The following FH variants were observed in gnomAD, a reference collection of about 807,000 sequenced individuals.
FH encodes fumarate hydratase, mitochondrial.
In FH, 22 loss-of-function variants were observed where a neutral mutation model predicts 49.4. That is an observed-to-expected ratio of 0.45 (90% CI 0.32 to 0.64). FH has a LOEUF of 0.64. FH is among the 30% of genes least tolerant of loss of function. The probability of loss-of-function intolerance (pLI) is 0.05; values close to 1 mark genes in which losing one functional copy is unlikely to be tolerated. For missense variants in FH, 526 were observed against 641.5 expected (o/e 0.82, Z 1.95); for synonymous variants, 208 against 223.0 (o/e 0.93, Z 0.60).
intron 1 of FH, 61 bp downstream of exon 1, chr1:241,519,530 C>G (rs929231313): frequency 1.3e-6 from 2 of 1,514,812 alleles, no homozygotes; most frequent in African/African-American, 1.4e-5. Flanking sequence ...GCGCCCAGGC[C>G]GGCAGGCAGG....
chr1:241,514,987 A>G (rs1035345655), intron 2 of FH, among the ~76,000 whole-genome samples: 1 of 152,188 alleles, frequency 6.6e-6, no homozygotes, highest in African/African-American at 2.4e-5. Context: ...TGGACCATAA[A>G]AATAAAAAAG....
chr1:241,506,711 C>T (rs896058220), intron 5 of FH, among the ~76,000 whole-genome samples: 6 of 152,136 alleles, frequency 3.9e-5, no homozygotes, highest in Non-Finnish European at 8.8e-5. Context: ...AGGAAGGTAA[C>T]AGTTTGCATT....
intron 9 of FH, among the ~76,000 whole-genome samples, chr1:241,498,252 A>G (rs1431463865): frequency 1.3e-5 from 2 of 152,164 alleles, no homozygotes; most frequent in Non-Finnish European, 2.9e-5. Flanking sequence ...AAGGGGAAAA[A>G]AGTAGAAATT....
At chr1:241,513,235 T>G (rs1660135287) in intron 3 of FH, among the ~76,000 whole-genome samples, 1 of 152,112 alleles carries the variant, frequency 6.6e-6, no homozygotes, top group Non-Finnish European at 1.5e-5. Flanking sequence ...TATTAGCATA[T>G]TAGTAAAATT....
intron 7 of FH, 144 bp from the exon 8 acceptor site, chr1:241,502,714 A>G (rs1228052593): frequency 5.1e-6 from 5 of 989,720 alleles, no homozygotes; most frequent in East Asian, 5.2e-5. Context: ...AAACAAACCA[A>G]CCAAGGAAGG....
intron 1 of FH, among the ~76,000 whole-genome samples, chr1:241,517,654 T>C (rs1660256201): frequency 6.6e-6 from 1 of 152,202 alleles, no homozygotes. Flanking sequence ...GTACTTAGTT[T>C]AATGCTTATT....
chr1:241,502,313 G>T, intron 8 of FH, 130 bp downstream of exon 8: 4 of 957,586 alleles, frequency 4.2e-6, no homozygotes, highest in Non-Finnish European at 6.5e-6. Context: ...CTTAATAAAT[G>T]CTTGACTTCC....
chr1:241,500,659 T>G (rs1225834883), intron 8 of FH, 69 bp from the exon 9 acceptor site: 1 of 1,535,938 alleles, frequency 6.5e-7, no homozygotes, highest in East Asian at 2.3e-5. Flanking sequence ...AGGCAACATG[T>G]TTTTTGTCCA....
chr1:241,519,191 C>G, intron 1 of FH: 1 of 208,704 alleles, frequency 4.8e-6, no homozygotes, highest in Non-Finnish European at 9.8e-6. Context: ...GGAGCTGCCC[C>G]TCTCCCAGCA....
intron 9 of FH, among the ~76,000 whole-genome samples, chr1:241,499,148 C>T (rs902268178): frequency 2.1e-4 from 32 of 152,238 alleles, no homozygotes; most frequent in African/African-American, 7.7e-4. Context: ...CAACAAGACA[C>T]TATTGGCAAC....
At chr1:241,512,842 AGTT>A in intron 3 of FH, among the ~76,000 whole-genome samples, 1 of 152,046 alleles carries the variant, frequency 6.6e-6, no homozygotes, top group Admixed American at 6.6e-5. Context: ...CAGTCACTAT[AGTT>A]CTATTGCTCA....
At chr1:241,516,639 G>A (rs1415995156) in intron 2 of FH, among the ~76,000 whole-genome samples, 2 of 147,674 alleles carry the variant, frequency 1.4e-5, no homozygotes, top group Non-Finnish European at 3.0e-5. Flanking sequence ...TGTGTATCCC[G>A]GAACTTAAAA....
Position 241,508,625 on chromosome 1 carries a change from G to A in FH, c.716C>T (p.Ala239Val), listed in dbSNP as rs2147919416. The A allele has an allele frequency of 1.2e-6, 2 of 1,613,684 alleles. No homozygotes were observed. The highest frequency in any genetic ancestry group is 1.7e-6 in the Non-Finnish European group (2 of 1,179,634). The change falls in exon 5 of 10, where the codon GCT becomes GTT. Residue 239 changes from alanine to valine, a missense_variant. Around this residue, in one of 2 missense-constraint regions of FH, gnomAD observed 383 missense variants for 514.0 expected, o/e 0.75. Transcript: ENST00000366560. ...IKIGRTHTQDAVPLTLGQEFS... is the reference protein window; with the variant it reads ...IKIGRTHTQDVVPLTLGQEFS... ...TACCTGCCCAAGAGTAAGTGGAACA[G>A]CATCCTGAGTATGAGTACGTCCAAT... is the stretch of plus-strand genomic sequence containing the variant.
intron 1 of FH, 101 bp downstream of exon 1, chr1:241,519,490 G>T: frequency 1.4e-6 from 2 of 1,392,592 alleles, no homozygotes; most frequent in Non-Finnish European, 9.6e-7. Flanking sequence ...CGGCCCGGAC[G>T]CCCGGGGAAT....
intron 4 of FH, among the ~76,000 whole-genome samples, chr1:241,509,538 C>T (rs1025003304): frequency 6.6e-6 from 1 of 152,160 alleles, no homozygotes; most frequent in African/African-American, 2.4e-5. Context: ...CTTTCAGAGG[C>T]TGAGGCAGGA....
rs1321653703 is a variant in FH, at chr1:241,519,743, A to G, written c.-21T>C. 1.3e-6 allele frequency: 2 copies of G among 1,520,964 alleles called. No individual in the cohort carries two copies. The highest frequency in any genetic ancestry group is 2.0e-5 in the Admixed American group (1 of 49,080). The allele number at this position is 1,520,964 out of a possible 1,614,324, so 94.2% of individuals were successfully genotyped here. A position where few individuals can be genotyped will look rare whatever the true frequency, so the allele number is the denominator to read the frequency against. On this transcript the variant is annotated 5_prime_UTR_variant, in exon 1 of 10. Coordinates refer to ENST00000366560, the MANE Select transcript of FH (RefSeq NM_000143.4). ...TACATGGTGCTGAGGGAGCTTGGGT[A>G]GAATTTCTGGGCGGCTGTGGCCACG...
intron 4 of FH, among the ~76,000 whole-genome samples, chr1:241,511,489 G>C (rs535021618): frequency 6.6e-6 from 1 of 152,194 alleles, no homozygotes; most frequent in East Asian, 1.9e-4. Context: ...TAAATGTAAT[G>C]TATAGCATTG....
At chr1:241,505,812 A>G (rs140119441) in intron 6 of FH, among the ~76,000 whole-genome samples, 191 bp downstream of exon 6, 44 of 152,354 alleles carry the variant, frequency 2.9e-4, no homozygotes, top group African/African-American at 1.0e-3. Context: ...ATAAACTCCT[A>G]CATGGAACAT....
intron 5 of FH, 132 bp downstream of exon 5, chr1:241,508,471 G>A: frequency 2.7e-6 from 2 of 742,564 alleles, no homozygotes; most frequent in South Asian, 3.0e-5. Context: ...CTGATTGGTT[G>A]AACAGAACAA....
Sources: allele counts gnomAD v4.1 joint callset (sites outside exome capture counted in the v4.1 genomes callset), GRCh38; gene constraint gnomAD v4.1.1; regional missense constraint gnomAD v4.1.1; transcripts MANE v1.5; gene names NCBI Gene and HGNC (gene_info 2026-07-23, HGNC 2026-07-21).